The following GSDMA variants were observed in gnomAD, a reference collection of about 807,000 sequenced individuals.
GSDMA encodes gasdermin A.
GSDMA carries 55 observed loss-of-function variants against 54.3 expected under a neutral mutation model. The observed-to-expected ratio is 1.01, with a 90% CI of 0.82 to 1.27. The LOEUF (loss-of-function observed/expected upper bound fraction) is 1.27. GSDMA is among the 50% of genes most tolerant of loss of function. The pLI, the probability that GSDMA is intolerant of heterozygous loss-of-function variation, is 0.00. For missense variants in GSDMA, 542 were observed against 542.6 expected (o/e 1.00, Z 0.01); for synonymous variants, 211 against 224.7 (o/e 0.94, Z 0.54).
chr17:39,971,528 C>T lies in GSDMA; in HGVS notation c.563C>T (p.Ser188Phe), dbSNP rs1291480284. ...PFFAPLGLQGSINHKEAVTIP... is the reference protein window; with the variant it reads ...PFFAPLGLQGFINHKEAVTIP... ...ATTCTCATTGTCTAATTCTAGGGATCCATAAATCACAAGGAGGCTGTAACC... is the reference window on the plus strand; with the variant it reads ...ATTCTCATTGTCTAATTCTAGGGATTCATAAATCACAAGGAGGCTGTAACC... Residue 188 changes from serine (S) to phenylalanine (F), a missense_variant, in exon 5 of 12, where the codon TCC (serine) becomes TTC (phenylalanine). Coordinates refer to ENST00000301659, the MANE Select transcript of GSDMA (RefSeq NM_178171.5). 2.5e-6 allele frequency: 4 copies of T among 1,610,936 alleles called. No homozygotes were observed. Among genetic ancestry groups the T allele is most frequent in the Non-Finnish European group, 3.4e-6 (4 of 1,177,274 alleles).
In GSDMA at chr17:39,970,579, A is replaced by G. The variant is rs747943041; in HGVS notation, c.490A>G (p.Thr164Ala). The G allele has an allele frequency of 6.2e-7, 1 of 1,607,250 alleles. No homozygotes were observed. Among genetic ancestry groups the G allele is most frequent in the Admixed American group, 1.7e-5 (1 of 59,174 alleles). ...GGTGGTGGAGACGGTGCAGGAGGTC[A>G]CACTGGAGCGAGCCGGCAAGGCAGA... is the stretch of plus-strand genomic sequence containing the variant. ...MEVVETVQEV[T>A]LERAGKAEAC... Residue 164 changes from threonine (T) to alanine (A), a missense_variant, in exon 4 of 12, where the codon ACA becomes GCA. Physicochemically the swap from Thr to Ala is moderately conservative, Grantham distance 58. Coordinates refer to ENST00000301659, the MANE Select transcript of GSDMA (RefSeq NM_178171.5).
intron 9 of GSDMA, among the ~76,000 whole-genome samples, 199 bp from the exon 10 acceptor site, chr17:39,974,701 G>A (rs1598307432): frequency 6.6e-6 from 1 of 152,182 alleles, no homozygotes; most frequent in East Asian, 1.9e-4. Flanking sequence ...TGCTGGAGGG[G>A]CTGGAACCTT....
chr17:39,973,517 C>A (rs1328367334), intron 7 of GSDMA, among the ~76,000 whole-genome samples: 1 of 151,942 alleles, frequency 6.6e-6, no homozygotes, highest in South Asian at 2.1e-4. Flanking sequence ...CCACCTTGGC[C>A]TCCCAAAGTG....
At position 39,966,357 on chromosome 17, in the gene GSDMA, GGCAGGGCTCTC is replaced by G. The variant is rs2144785103; in HGVS notation, c.317_327del (p.Gly106GlufsTer108). 1 of 1,613,956 alleles carries G rather than the reference GGCAGGGCTCTC, an allele frequency of 6.2e-7. No homozygotes were observed. ...CAAAGACGGTGAAGGTGAAGGGAAC[GGCAGGGCTCTC>G]GCAGAACAGCACTCTGGAGGTCCAG... On this transcript the variant is annotated frameshift_variant, in exon 3 of 12. Coordinates refer to ENST00000301659, the MANE Select transcript of GSDMA (RefSeq NM_178171.5). LOFTEE classifies it high-confidence loss of function.
chr17:39,967,264 T>C (rs1234759108), intron 3 of GSDMA, among the ~76,000 whole-genome samples: 2 of 152,218 alleles, frequency 1.3e-5, no homozygotes, highest in African/African-American at 4.8e-5. Flanking sequence ...ATGGTTTGAC[T>C]GAGTCTTGTG....
At chr17:39,964,884 C>T (rs1979564393) in intron 1 of GSDMA, among the ~76,000 whole-genome samples, 1 of 151,996 alleles carries the variant, frequency 6.6e-6, no homozygotes, top group Non-Finnish European at 1.5e-5. Flanking sequence ...CCCAGCACTT[C>T]GGGAGGCTGA....
intron 3 of GSDMA, among the ~76,000 whole-genome samples, chr17:39,966,972 C>T (rs1189710572): frequency 2.8e-5 from 4 of 142,864 alleles, no homozygotes; most frequent in South Asian, 2.3e-4. Flanking sequence ...TGGCAGGTGC[C>T]ACATTGATGC....
chr17:39,971,313 C>G (rs934625038), intron 4 of GSDMA, among the ~76,000 whole-genome samples: 1 of 152,066 alleles, frequency 6.6e-6, no homozygotes, highest in Non-Finnish European at 1.5e-5. Flanking sequence ...CTGACCTGAA[C>G]CAGGTCACTA....
At chr17:39,964,716 A>G (rs1487386922) in intron 1 of GSDMA, among the ~76,000 whole-genome samples, 1 of 152,148 alleles carries the variant, frequency 6.6e-6, no homozygotes, top group African/African-American at 2.4e-5. Context: ...GGGCAGGTGA[A>G]CAGCTTGGCC....
At chr17:39,969,666 G>C (rs943742141) in intron 3 of GSDMA, among the ~76,000 whole-genome samples, 3 of 152,096 alleles carry the variant, frequency 2.0e-5, no homozygotes, top group Middle Eastern at 3.4e-3. Flanking sequence ...AATTTCAGCT[G>C]AGTAGTGGAA....
At chr17:39,963,254 G>T (rs1979493552) in intron 1 of GSDMA, among the ~76,000 whole-genome samples, 169 bp downstream of exon 1, 4 of 152,054 alleles carry the variant, frequency 2.6e-5, no homozygotes, top group Admixed American at 2.0e-4. Flanking sequence ...TGGTGAAGAG[G>T]AGGCTGCTGT....
At chr17:39,973,265 G>A (rs1485339972) in intron 7 of GSDMA, among the ~76,000 whole-genome samples, 4 of 131,966 alleles carry the variant, frequency 3.0e-5, no homozygotes, top group Non-Finnish European at 5.0e-5. Context: ...GAGCCACGGC[G>A]CCTGGCCTTT....
intron 3 of GSDMA, among the ~76,000 whole-genome samples, chr17:39,970,201 G>A (rs1000323408): frequency 3.3e-5 from 5 of 152,228 alleles, no homozygotes; most frequent in African/African-American, 1.2e-4. Flanking sequence ...AAGAGGCCCT[G>A]TTCCTGGCCA....
chr17:39,972,540 C>T, intron 6 of GSDMA, 47 bp from the exon 7 acceptor site: 2 of 1,598,964 alleles, frequency 1.3e-6, no homozygotes, highest in East Asian at 2.2e-5. Flanking sequence ...GATGAAAAGG[C>T]AAAAATGGGT....
At chr17:39,973,750 G>A in intron 7 of GSDMA, 60 bp from the exon 8 acceptor site, 1 of 1,430,944 alleles carries the variant, frequency 7.0e-7, no homozygotes, top group South Asian at 1.2e-5. Flanking sequence ...TCAACCCCTG[G>A]GTATGGCTGC....
chr17:39,965,994 C>T, intron 2 of GSDMA, 93 bp downstream of exon 2: 1 of 1,207,022 alleles, frequency 8.3e-7, no homozygotes, highest in Non-Finnish European at 1.2e-6. Context: ...TCCCTCTGGC[C>T]AGAGGTGATT....
At chr17:39,974,160 G>T in intron 8 of GSDMA, 113 bp from the exon 9 acceptor site, 1 of 1,121,534 alleles carries the variant, frequency 8.9e-7, no homozygotes, top group Non-Finnish European at 1.2e-6. Context: ...CAAACTGGGG[G>T]GTAGAGCATG....
At position 39,972,178 on chromosome 17, in the gene GSDMA, T is replaced by C. The variant is rs1979983674; in HGVS notation, c.703+2T>C. ...ACATGCAAACCTTCCCTCCTGGAGGTAAGTGAAATTGCTTACGGGCTTCCC... is the reference window on the plus strand; with the variant it reads ...ACATGCAAACCTTCCCTCCTGGAGGCAAGTGAAATTGCTTACGGGCTTCCC... On this transcript the variant is annotated splice_donor_variant, in intron 6 of 11. Transcript: ENST00000301659. LOFTEE classifies it high-confidence loss of function. 73 of 1,443,380 alleles carry C rather than the reference T, an allele frequency of 5.1e-5. No homozygotes were observed. Among genetic ancestry groups the C allele is most frequent in the Non-Finnish European group, 6.8e-5 (73 of 1,078,552 alleles). The allele number at this position is 1,443,380 out of a possible 1,614,324, so 89.4% of individuals were successfully genotyped here. A position where few individuals can be genotyped will look rare whatever the true frequency, so the allele number is the denominator to read the frequency against.
chr17:39,972,607 G>GTCA lies in GSDMA; in HGVS notation c.727_729dup (p.Ile243dup). On this transcript the variant is annotated inframe_insertion, in exon 7 of 12. Coordinates refer to ENST00000301659, the MANE Select transcript of GSDMA (RefSeq NM_178171.5). Reference sequence around the variant, plus strand: ...TTCAGAAAAGTCAGGAGAGGAGAAGGTCATCCGTAAGTGTTTCCTTTCATT... The same window carrying GTCA: ...TTCAGAAAAGTCAGGAGAGGAGAAGGTCATCATCCGTAAGTGTTTCCTTTCATT... The GTCA allele has an allele frequency of 6.2e-7, 1 of 1,612,632 alleles. No homozygotes were observed. The highest frequency in any genetic ancestry group is 1.3e-5 in the African/African-American group (1 of 75,042).
Sources: allele counts gnomAD v4.1 joint callset (sites outside exome capture counted in the v4.1 genomes callset), GRCh38; gene constraint gnomAD v4.1.1; transcripts MANE v1.5; gene names NCBI Gene and HGNC (gene_info 2026-07-23, HGNC 2026-07-21).